The following KIF13A variants were observed in gnomAD, a reference collection of about 807,000 sequenced individuals.
KIF13A encodes kinesin family member 13A.
A neutral mutation model predicts 212.2 loss-of-function variants in KIF13A; 79 were observed. The ratio of observed to expected loss-of-function variants is 0.37; its 90% CI spans 0.31 to 0.45. The LOEUF (loss-of-function observed/expected upper bound fraction) is 0.45. Among genes scored for constraint, KIF13A ranks in the 20% least tolerant of loss-of-function variants. The pLI, the probability that KIF13A is intolerant of heterozygous loss-of-function variation, is 1.00. For missense variants in KIF13A, 1,901 were observed against 2,209.0 expected, an observed-to-expected ratio of 0.86 and a Z score of 2.79; for synonymous variants, 789 against 808.6, an observed-to-expected ratio of 0.98 and a Z score of 0.41.
rs988030455 is a variant in KIF13A, at chr6:17,764,826, C to T, written c.4702G>A (p.Glu1568Lys). ...AGATCTACTTTAGAGGAAAACCATT[C>T]CCTGTTCTCCAAGCTGGCATTGTAA... The part of the protein sequence containing the change: ...SVYNASLENR[E>K]WFSSKVDLSN... Residue 1568 changes from glutamate (E) to lysine (K), a missense_variant, in exon 39 of 39, where the codon GAA becomes AAA. By Grantham distance (56) the Glu-to-Lys change is moderately conservative (BLOSUM62 1). Coordinates refer to ENST00000259711, the MANE Select transcript of KIF13A (RefSeq NM_022113.6). This position sits in a 1 kb window ranked among gnomAD's most constrained non-coding sequence, Gnocchi z 5.1. 1.2e-6 allele frequency: 2 copies of T among 1,613,588 alleles called. No individual in the cohort carries two copies. Among genetic ancestry groups the T allele is most frequent in the African/African-American group, 2.7e-5 (2 of 74,910 alleles).
intron 34 of KIF13A, 24 bp from the exon 35 acceptor site, chr6:17,775,086 C>T: frequency 6.3e-7 from 1 of 1,596,764 alleles, no homozygotes; most frequent in Non-Finnish European, 8.5e-7. Context: ...ATGGTTTTAG[C>T]AATGTGGTTT....
chr6:17,762,385 G>C (rs1027425687), downstream of KIF13A, among the ~76,000 whole-genome samples: 1 of 151,822 alleles, frequency 6.6e-6, no homozygotes, highest in Non-Finnish European at 1.5e-5. Flanking sequence ...GCTAATTTTT[G>C]TATTTTTAGT....
chr6:17,910,732 G>A (rs945543606), intron 2 of KIF13A, among the ~76,000 whole-genome samples: 1 of 152,128 alleles, frequency 6.6e-6, no homozygotes. Context: ...CTCACCACAG[G>A]GTTTCTAATA....
intron 32 of KIF13A, among the ~76,000 whole-genome samples, chr6:17,779,304 T>C (rs1275431365): frequency 2.8e-5 from 4 of 141,848 alleles, no homozygotes; most frequent in Non-Finnish European, 4.6e-5. Flanking sequence ...AGAGTTTCGC[T>C]CTTGTTGCCC....
rs995269631 is a variant in KIF13A, at chr6:17,838,693, G to C, written c.831-1110C>G. On this transcript the variant is annotated intron_variant, in intron 9 of 38. Coordinates refer to ENST00000259711, the MANE Select transcript of KIF13A (RefSeq NM_022113.6). This position sits in a 1 kb window ranked among gnomAD's most constrained non-coding sequence, Gnocchi z 4.2. ...AGTCAGACACAGAAAAACAAATATT[G>C]CATGTCCTTACTCATAAGTGGAAGC... Among the ~76,000 whole-genome samples the C allele has an allele frequency of 1.3e-5, 2 of 152,106 alleles. No homozygotes were observed. Among genetic ancestry groups the C allele is most frequent in the African/African-American group, 4.8e-5 (2 of 41,422 alleles).
At position 17,951,912 on chromosome 6, in the gene KIF13A, C is replaced by T. The variant is rs1777877583; in HGVS notation, c.146+35142G>A. Among the ~76,000 whole-genome samples, 1 of 152,026 alleles carries T rather than the reference C, an allele frequency of 6.6e-6. No homozygotes were observed. Among genetic ancestry groups the T allele is most frequent in the Non-Finnish European group, 1.5e-5 (1 of 68,016 alleles). The stretch of plus-strand genomic sequence containing the variant: ...TTTTCTTAAAAGAATTTTTTGTAGC[C>T]TTCCAAAAAATACCTTTATTTACAA... On this transcript the variant is annotated intron_variant, in intron 2 of 38. Coordinates refer to ENST00000259711, the MANE Select transcript of KIF13A (RefSeq NM_022113.6). The surrounding 1 kb of genome is among the most constrained non-coding windows in gnomAD (Gnocchi z 4.9).
intron 22 of KIF13A, among the ~76,000 whole-genome samples, chr6:17,797,520 A>G (rs913214663): frequency 6.6e-6 from 1 of 152,204 alleles, no homozygotes; most frequent in Non-Finnish European, 1.5e-5. Flanking sequence ...TAGGAGAATA[A>G]TAACAGAATT....
chr6:17,791,980 G>A (rs1581936065), intron 25 of KIF13A, among the ~76,000 whole-genome samples: 1 of 150,238 alleles, frequency 6.7e-6, no homozygotes, highest in East Asian at 2.0e-4. Flanking sequence ...GAGGTGGGTG[G>A]ATCATGAGGT....
rs750674390 is a variant in KIF13A at position 17,786,750 on chromosome 6, C to A, written c.3361+1026G>T. Reference sequence around the variant, plus strand: ...ATTCAACTCTGGGGCTCCCTGGGTACAGTCTAAGTGAGTTTTCATTAGCAG... The same window carrying A: ...ATTCAACTCTGGGGCTCCCTGGGTAAAGTCTAAGTGAGTTTTCATTAGCAG... On this transcript the variant is annotated intron_variant, in intron 27 of 38. Transcript: ENST00000259711. The surrounding 1 kb of genome is among the most constrained non-coding windows in gnomAD (Gnocchi z 5.4). Among the ~76,000 whole-genome samples the A allele has an allele frequency of 6.6e-6, 1 of 152,070 alleles. No homozygotes were observed. The highest frequency in any genetic ancestry group is 1.5e-5 in the Non-Finnish European group (1 of 68,022).
intron 38 of KIF13A, chr6:17,770,806 C>CA: frequency 1.0e-6 from 1 of 987,226 alleles, no homozygotes; most frequent in Non-Finnish European, 1.3e-6. Flanking sequence ...TATGTATAGG[C>CA]ACATTAGAAA....
intron 12 of KIF13A, among the ~76,000 whole-genome samples, 175 bp from the exon 13 acceptor site, chr6:17,831,410 G>A (rs766834106): frequency 5.3e-5 from 8 of 151,982 alleles, no homozygotes; most frequent in African/African-American, 1.7e-4. Context: ...TGTGGCAGGC[G>A]TGATAGGGGC....
In KIF13A at chr6:17,768,974, A is replaced by T. The variant is rs76867214; in HGVS notation, c.4581+2140T>A. On this transcript the variant is annotated intron_variant, in intron 38 of 38. Coordinates refer to ENST00000259711, the MANE Select transcript of KIF13A (RefSeq NM_022113.6). This position sits in a 1 kb window ranked among gnomAD's most constrained non-coding sequence, Gnocchi z 5.4. ...TAAAGAATCAAGCATAGCCATGTTTACTATATTTTATGTGAAATTACAGAA... is the reference window on the plus strand; with the variant it reads ...TAAAGAATCAAGCATAGCCATGTTTTCTATATTTTATGTGAAATTACAGAA... Among the ~76,000 whole-genome samples, 1 of 150,252 alleles carries T rather than the reference A, an allele frequency of 6.7e-6. No homozygotes were observed. The highest frequency in any genetic ancestry group is 1.5e-5 in the Non-Finnish European group (1 of 66,680).
chr6:17,854,835 G>A (rs936322671), intron 6 of KIF13A, among the ~76,000 whole-genome samples: 4 of 152,070 alleles, frequency 2.6e-5, no homozygotes, highest in African/African-American at 9.7e-5. Context: ...TTACAGGTAT[G>A]AGTCACTGTA....
intron 2 of KIF13A, among the ~76,000 whole-genome samples, chr6:17,923,394 A>AT (rs1449846463): frequency 6.6e-6 from 1 of 152,124 alleles, no homozygotes; most frequent in Non-Finnish European, 1.5e-5. Context: ...GGAGACTTCA[A>AT]TTAGGAGAGA....
At chr6:17,853,524 T>C (rs1322443713) in intron 6 of KIF13A, among the ~76,000 whole-genome samples, 2 of 152,082 alleles carry the variant, frequency 1.3e-5, no homozygotes, top group Admixed American at 6.6e-5. Context: ...CACCTACCTA[T>C]ACAGCAGGAA....
intron 38 of KIF13A, 179 bp downstream of exon 38, chr6:17,770,935 A>G: frequency 1.9e-6 from 1 of 539,618 alleles, no homozygotes; most frequent in Non-Finnish European, 3.1e-6. Context: ...TAAATAAGAT[A>G]AAATTGTAGG....
rs1767540218 is a variant in KIF13A at position 17,850,555 on chromosome 6, T to C, written c.583-98A>G. On this transcript the variant is annotated intron_variant, in intron 7 of 38. Transcript: ENST00000259711. The surrounding 1 kb of genome is among the most constrained non-coding windows in gnomAD (Gnocchi z 6.2). ...ATTAATTATGATTCCTCTGATGCCT[T>C]TGTCACCACCCTTCCATAGAAACCT... 8.1e-7 allele frequency: 1 copy of C among 1,230,628 alleles called. No homozygotes were observed. Among genetic ancestry groups the C allele is most frequent in the Middle Eastern group, 2.8e-4 (1 of 3,630 alleles). The allele number at this position is 1,230,628 out of a possible 1,614,324, so 76.2% of individuals were successfully genotyped here. A position where few individuals can be genotyped will look rare whatever the true frequency, so the allele number is the denominator to read the frequency against.
chr6:17,836,773 C>T (rs924372939), intron 11 of KIF13A, 105 bp downstream of exon 11: 20 of 1,000,030 alleles, frequency 2.0e-5, no homozygotes, highest in East Asian at 7.2e-5. Context: ...AGACATAAAT[C>T]GAAACCATAT....
Position 17,898,182 on chromosome 6 carries a change from TTAA to T in KIF13A, c.147-5_147-3del. 1.2e-6 allele frequency: 2 copies of T among 1,612,894 alleles called. No individual in the cohort carries two copies. The highest frequency in any genetic ancestry group is 2.2e-5 in the South Asian group (2 of 90,882). ...TTAGTGCTTACCTTGGGAGGTTTCC[TTAA>T]TGATGGGAAAAAAAAAATTCAGCAG... On this transcript the variant is annotated splice_region_variant and splice_polypyrimidine_tract_variant and intron_variant, in intron 2 of 38. Coordinates refer to ENST00000259711, the MANE Select transcript of KIF13A (RefSeq NM_022113.6). The surrounding 1 kb of genome is among the most constrained non-coding windows in gnomAD (Gnocchi z 5.2).
Sources: gnomAD v4.1 joint callset for allele counts (sites outside exome capture counted in the v4.1 genomes callset) on GRCh38, gnomAD v4.1.1 for gene constraint, Gnocchi (gnomAD v3.1) non-coding constraint, MANE v1.5 for transcripts, NCBI Gene and HGNC (gene_info 2026-07-23, HGNC 2026-07-21) for gene names.